CFAP70: variants seen among roughly 807,000 people sequenced by gnomAD.
CFAP70 encodes the protein cilia- and flagella-associated protein 70.
Under a neutral mutation model 137.6 loss-of-function variants are expected in CFAP70, and 81 were observed. The ratio of observed to expected loss-of-function variants is 0.59; its 90% CI spans 0.49 to 0.71. CFAP70 has a LOEUF of 0.71. CFAP70 is among the 30% of genes least tolerant of loss of function. The probability of loss-of-function intolerance (pLI) is 0.00; values close to 1 mark genes in which losing one functional copy is unlikely to be tolerated. For synonymous variants in CFAP70, 382 were observed against 423.6 expected, an observed-to-expected ratio of 0.90 and a Z score of 1.20; for missense variants, 976 against 1,226.7, an observed-to-expected ratio of 0.80 and a Z score of 3.05.
At chr10:73,278,210 G>T (rs775636277) in exon 20 of CFAP70, 2 of 1,613,960 alleles carry the variant, frequency 1.2e-6, no homozygotes, top group South Asian at 2.2e-5. Context: ...TGATAAATGT[G>T]TTAGATGGTT....
intron 12 of CFAP70, among the ~76,000 whole-genome samples, chr10:73,309,846 G>T (rs372616535): frequency 4.6e-5 from 7 of 151,778 alleles, no homozygotes; most frequent in African/African-American, 1.7e-4. Flanking sequence ...TAGTAGAGAC[G>T]GGGTTTCACC....
intron 9 of CFAP70, among the ~76,000 whole-genome samples, chr10:73,314,813 C>A (rs2050201186): frequency 6.6e-6 from 1 of 151,886 alleles, no homozygotes; most frequent in Admixed American, 6.6e-5. Context: ...ACCATGTTGC[C>A]CAGGCTTGTC....
chr10:73,255,999 C>T (rs2044452681), intron 26 of CFAP70, among the ~76,000 whole-genome samples: 1 of 152,160 alleles, frequency 6.6e-6, no homozygotes, highest in East Asian at 1.9e-4. Flanking sequence ...TTGCCCTTTA[C>T]AGAAAATGTT....
intron 4 of CFAP70, among the ~76,000 whole-genome samples, chr10:73,346,001 C>T (rs775208615): frequency 1.3e-5 from 2 of 151,306 alleles, no homozygotes; most frequent in East Asian, 4.1e-4. Flanking sequence ...TGGGTTCAAG[C>T]GATTCTTCTG....
intron 1 of CFAP70, among the ~76,000 whole-genome samples, chr10:73,357,904 C>T (rs1289472388): frequency 6.6e-6 from 1 of 152,200 alleles, no homozygotes; most frequent in African/African-American, 2.4e-5. Flanking sequence ...TCATTTAGCA[C>T]TTTACACGTC....
At chr10:73,303,030 C>T (rs999423655) in intron 12 of CFAP70, among the ~76,000 whole-genome samples, 3 of 151,546 alleles carry the variant, frequency 2.0e-5, no homozygotes, top group Admixed American at 6.6e-5. Context: ...CCGGGTAGCT[C>T]GGACTACAGG....
At chr10:73,272,307 C>T (rs1350606791) in intron 24 of CFAP70, among the ~76,000 whole-genome samples, 1 of 152,056 alleles carries the variant, frequency 6.6e-6, no homozygotes, top group Non-Finnish European at 1.5e-5. Flanking sequence ...TGCACCACTG[C>T]ACTCTAGCCT....
intron 5 of CFAP70, 131 bp downstream of exon 6, chr10:73,344,934 T>C: frequency 1.6e-6 from 1 of 609,756 alleles, no homozygotes; most frequent in Non-Finnish European, 2.7e-6. Flanking sequence ...AACTGTATTT[T>C]TCAAGCCTAA....
In CFAP70 at chr10:73,322,968, C is replaced by A; in HGVS notation, c.907G>T (p.Glu303Ter). ...TTTATGCAATTTTTTCTTACCTTTT[C>A]ATGGACTACACTGTCTAGGTAAGGG... The change falls in exon 9 of 27, where the codon GAA (glutamate) becomes TAA (stop). Residue 303 changes from glutamate (E) to a stop codon, truncating the protein, a stop_gained. Coordinates refer to ENST00000310715, the Ensembl canonical transcript of CFAP70. LOFTEE classifies it high-confidence loss of function. The A allele has an allele frequency of 6.3e-7, 1 of 1,584,246 alleles. No homozygotes were observed. Among genetic ancestry groups the A allele is most frequent in the Non-Finnish European group, 8.5e-7 (1 of 1,170,590 alleles).
chr10:73,323,338 G>A (rs1213703104), intron 8 of CFAP70, among the ~76,000 whole-genome samples: 2 of 127,174 alleles, frequency 1.6e-5, no homozygotes, highest in East Asian at 2.6e-4. Flanking sequence ...GGGCGGGGGG[G>A]GGGCAGCCAA....
exon 9 of CFAP70, chr10:73,323,067 C>G: frequency 6.2e-7 from 1 of 1,612,286 alleles, no homozygotes; most frequent in Non-Finnish European, 8.5e-7. Flanking sequence ...TAAGCCACAC[C>G]ATGAAACGAA....
At chr10:73,274,755 A>T in intron 22 of CFAP70, 161 bp from the exon 24 acceptor site, 1 of 676,632 alleles carries the variant, frequency 1.5e-6, no homozygotes. Context: ...CAGAAACATA[A>T]CCATTTAATT....
At chr10:73,287,246 T>C in intron 19 of CFAP70, among the ~76,000 whole-genome samples, 1 of 152,210 alleles carries the variant, frequency 6.6e-6, no homozygotes, top group East Asian at 1.9e-4. Context: ...AGCCTATTGC[T>C]CCTACACTAC....
chr10:73,291,575 G>A, intron 18 of CFAP70, 65 bp downstream of exon 19: 2 of 1,518,634 alleles, frequency 1.3e-6, no homozygotes, highest in Non-Finnish European at 1.8e-6. Flanking sequence ...TTGAAGAAGA[G>A]AAAGGAAAAA....
intron 19 of CFAP70, among the ~76,000 whole-genome samples, chr10:73,281,687 CA>C (rs916607794): frequency 6.6e-6 from 1 of 151,710 alleles, no homozygotes; most frequent in African/African-American, 2.4e-5. Context: ...ATCTTTCTAC[CA>C]AAAGGACACA....
intron 3 of CFAP70, among the ~76,000 whole-genome samples, chr10:73,352,220 C>A (rs1343599695): frequency 6.6e-6 from 1 of 152,190 alleles, no homozygotes; most frequent in Non-Finnish European, 1.5e-5. Context: ...GGACTCATTA[C>A]TAGAGGGGAT....
At chr10:73,335,518 C>T (rs755378516) in exon 7 of CFAP70, 22 of 1,610,324 alleles carry the variant, frequency 1.4e-5, no homozygotes, top group Non-Finnish European at 1.6e-5. Flanking sequence ...TTCCTAAATT[C>T]GCTGTCCTGT....
At chr10:73,274,677 T>G in intron 22 of CFAP70, 83 bp from the exon 24 acceptor site, 2 of 1,254,658 alleles carry the variant, frequency 1.6e-6, no homozygotes, top group Non-Finnish European at 2.2e-6. Flanking sequence ...CATTTAAATT[T>G]AGATAGATTG....
At chr10:73,290,331 A>G (rs1166607210) in intron 19 of CFAP70, among the ~76,000 whole-genome samples, 1 of 152,216 alleles carries the variant, frequency 6.6e-6, no homozygotes, top group Non-Finnish European at 1.5e-5. Context: ...TCTAGAATTC[A>G]AAAATTCTAG....
Sources: allele counts gnomAD v4.1 joint callset (sites outside exome capture counted in the v4.1 genomes callset), GRCh38; gene constraint gnomAD v4.1.1; transcripts MANE v1.5; gene names NCBI Gene and HGNC (gene_info 2026-07-23, HGNC 2026-07-21).